The following CCDC102B variants were observed in gnomAD, a reference collection of about 807,000 sequenced individuals.
CCDC102B encodes the protein coiled-coil domain-containing protein 102B.
In CCDC102B, 75 loss-of-function variants were observed where a neutral mutation model predicts 57.4. The ratio of observed to expected loss-of-function variants is 1.31; its 90% CI spans 1.08 to 1.58. The LOEUF (loss-of-function observed/expected upper bound fraction) is 1.58. Among genes scored for constraint, CCDC102B ranks in the 40% most tolerant of loss-of-function variants. The pLI is 0.00. For synonymous variants in CCDC102B, 206 were observed against 201.9 expected (o/e 1.02, Z -0.17); for missense variants, 636 against 582.6 (o/e 1.09, Z -0.94).
At chr18:68,789,175 T>G (rs2035332358) in intron 2 of CCDC102B, among the ~76,000 whole-genome samples, 1 of 152,212 alleles carries the variant, frequency 6.6e-6, no homozygotes, top group African/African-American at 2.4e-5. Context: ...TCTTCTGGCT[T>G]GTAGCGTTTC....
At chr18:69,032,555 T>G (rs1401845832) in intron 7 of CCDC102B, among the ~76,000 whole-genome samples, 1 of 152,182 alleles carries the variant, frequency 6.6e-6, no homozygotes, top group African/African-American at 2.4e-5. Context: ...TAACATTTTA[T>G]CACACATCTT....
chr18:68,816,199 T>C (rs1449870981), intron 1 of CCDC102B, among the ~76,000 whole-genome samples: 1 of 152,204 alleles, frequency 6.6e-6, no homozygotes, highest in Non-Finnish European at 1.5e-5. Context: ...CTCTGTATTT[T>C]AACTTCAGCC....
chr18:68,840,387 C>A (rs562654391), intron 3 of CCDC102B, among the ~76,000 whole-genome samples: 2 of 152,208 alleles, frequency 1.3e-5, no homozygotes, highest in East Asian at 3.9e-4. Flanking sequence ...CCAGAAGTTT[C>A]TCATTAGTCC....
intron 6 of CCDC102B, among the ~76,000 whole-genome samples, chr18:68,983,419 G>A (rs983449405): frequency 6.6e-6 from 1 of 151,896 alleles, no homozygotes; most frequent in Non-Finnish European, 1.5e-5. Context: ...TGCAGGGAGG[G>A]TTTCCCTACC....
At chr18:68,754,735 G>A (rs2033985338) in intron 2 of CCDC102B, 2 of 152,180 alleles carry the variant, frequency 1.3e-5, no homozygotes, top group Admixed American at 1.3e-4. Flanking sequence ...AAATTCCTAT[G>A]CTGAAATCCT....
chr18:68,848,636 G>A (rs7245024), intron 4 of CCDC102B, among the ~76,000 whole-genome samples: 144,223 of 152,058 alleles, frequency 0.95, 68,863 homozygotes, highest in East Asian at 1. Context: ...TATATCCAAA[G>A]TGCTGTTTCC....
At chr18:68,829,565 C>T (rs1437653124) in intron 1 of CCDC102B, among the ~76,000 whole-genome samples, 1 of 152,024 alleles carries the variant, frequency 6.6e-6, no homozygotes, top group Non-Finnish European at 1.5e-5. Flanking sequence ...TTCGTGAAGT[C>T]TGAGAAAACT....
chr18:68,956,614 T>A (rs1437503986), intron 6 of CCDC102B, among the ~76,000 whole-genome samples: 4 of 88,052 alleles, frequency 4.5e-5, no homozygotes, highest in Admixed American at 3.5e-4. Context: ...ATATATAAAA[T>A]ATATAATATA....
Position 69,054,083 on chromosome 18 carries a change from G to A in CCDC102B, c.1488G>A (p.Glu496=). ...IRKLQRSLDE[E]KERNENLETE... is the part of the protein sequence containing the mutation. ...AGCTCCAGAGGTCTCTGGATGAAGA[G>A]AAAGAAAGAAATGAAAACTTAGAGA... Residue 496 remains glutamate (E), a synonymous_variant, in exon 8 of 8, where the codon GAG becomes GAA. Coordinates refer to ENST00000360242, the MANE Select transcript of CCDC102B (RefSeq NM_024781.3). 1 of 1,606,718 alleles carries A rather than the reference G, an allele frequency of 6.2e-7. No homozygotes were observed. The highest frequency in any genetic ancestry group is 8.5e-7 in the Non-Finnish European group (1 of 1,177,986).
At chr18:68,999,823 A>G (rs2051151705) in intron 6 of CCDC102B, among the ~76,000 whole-genome samples, 1 of 152,178 alleles carries the variant, frequency 6.6e-6, no homozygotes, top group African/African-American at 2.4e-5. Context: ...GAGAATAGAA[A>G]TAGTGACACT....
chr18:69,011,689 T>A (rs891786419), intron 7 of CCDC102B, among the ~76,000 whole-genome samples: 4 of 152,256 alleles, frequency 2.6e-5, no homozygotes, highest in Non-Finnish European at 4.4e-5. Flanking sequence ...TTTTTGTTTT[T>A]TTTTAAAGAA....
rs192734444 is a variant in CCDC102B, at chr18:69,041,966, T to C, written c.1435-12064T>C. ...ATGGGCTTTTTGTTGTTGCTTTTTT[T>C]CTCTCTCCTTCCTACTACCCCAATT... On this transcript the variant is annotated intron_variant, in intron 7 of 7. Transcript: ENST00000360242. 8.3e-4 allele frequency among the ~76,000 whole-genome samples: 127 copies of C among 152,160 alleles called. 1 individual carries two copies. The highest frequency in any genetic ancestry group is 2.9e-3 in the African/African-American group (122 of 41,560).
intron 6 of CCDC102B, among the ~76,000 whole-genome samples, chr18:69,002,962 C>A (rs775819320): frequency 6.6e-6 from 1 of 152,174 alleles, no homozygotes; most frequent in Non-Finnish European, 1.5e-5. Context: ...ACCTGCAATA[C>A]CCTTCTCCCT....
intron 6 of CCDC102B, among the ~76,000 whole-genome samples, chr18:68,910,512 G>A (rs72959189): frequency 0.013 from 2,046 of 152,228 alleles, 24 homozygotes; most frequent in Middle Eastern, 0.034. Context: ...AAAGTTGCAA[G>A]GTTTTAATAA....
At chr18:68,770,257 T>C (rs565439249) in intron 2 of CCDC102B, among the ~76,000 whole-genome samples, 57 of 152,318 alleles carry the variant, frequency 3.7e-4, no homozygotes, top group African/African-American at 1.1e-3. Flanking sequence ...CACTAGTTGA[T>C]GCAATACAAG....
intron 5 of CCDC102B, among the ~76,000 whole-genome samples, chr18:68,896,620 A>T (rs2040250738): frequency 6.6e-6 from 1 of 152,054 alleles, no homozygotes; most frequent in Non-Finnish European, 1.5e-5. Flanking sequence ...TTTGTGGTAT[A>T]GTTTGAATTT....
chr18:68,725,905 C>T (rs571463004), intron 2 of CCDC102B, among the ~76,000 whole-genome samples: 2 of 152,228 alleles, frequency 1.3e-5, no homozygotes, highest in East Asian at 1.9e-4. Flanking sequence ...GGCCTCTTGA[C>T]CAAATTCCTG....
At chr18:68,815,592 A>G (rs976758574) in intron 1 of CCDC102B, among the ~76,000 whole-genome samples, 2 of 152,076 alleles carry the variant, frequency 1.3e-5, no homozygotes, top group African/African-American at 2.4e-5. Flanking sequence ...ATGGGAACAC[A>G]GATGAAAATG....
At chr18:69,018,523 A>G (rs537121567) in intron 7 of CCDC102B, among the ~76,000 whole-genome samples, 1 of 151,890 alleles carries the variant, frequency 6.6e-6, no homozygotes, top group South Asian at 2.1e-4. Context: ...TTCTCTGATG[A>G]TTAGTGATGT....
Sources: allele counts gnomAD v4.1 joint callset (sites outside exome capture counted in the v4.1 genomes callset), GRCh38; gene constraint gnomAD v4.1.1; transcripts MANE v1.5; gene names NCBI Gene and HGNC (gene_info 2026-07-23, HGNC 2026-07-21).